CREBRF: variants seen among roughly 807,000 people sequenced by gnomAD.
CREBRF encodes the protein UPF0474 protein C5orf41.
In CREBRF, 5 loss-of-function variants were observed where a neutral mutation model predicts 66.1. The observed-to-expected ratio is 0.08, with a 90% CI of 0.04 to 0.16. The LOEUF (loss-of-function observed/expected upper bound fraction) is 0.16, where lower values mean the gene tolerates loss of function less well. Ranked by LOEUF, CREBRF falls within the 10% of genes least tolerant of loss-of-function variation. The pLI is 1.00. For synonymous variants in CREBRF, 229 were observed against 264.4 expected (o/e 0.87, Z 1.30); for missense variants, 531 against 744.9 (o/e 0.71, Z 3.34).
At chr5:173,104,675 G>A (rs764000950) in intron 4 of CREBRF, among the ~76,000 whole-genome samples, 3 of 151,842 alleles carry the variant, frequency 2.0e-5, no homozygotes, top group Admixed American at 6.6e-5. Flanking sequence ...GCAAGTCACA[G>A]TCCCAAGAAA....
chr5:173,079,206 A>G (rs1034929248), intron 1 of CREBRF, among the ~76,000 whole-genome samples: 9 of 152,120 alleles, frequency 5.9e-5, no homozygotes, highest in Non-Finnish European at 1.3e-4. Context: ...CCTAGGTTAG[A>G]CCAGTGAGCT....
intron 8 of CREBRF, among the ~76,000 whole-genome samples, chr5:173,125,069 C>T (rs547721269): frequency 6.6e-6 from 1 of 152,074 alleles, no homozygotes; most frequent in South Asian, 2.1e-4. Context: ...CAGGCACCCA[C>T]CACCACACCT....
intron 8 of CREBRF, among the ~76,000 whole-genome samples, chr5:173,132,365 G>A (rs1759450620): frequency 6.8e-6 from 1 of 146,772 alleles, no homozygotes; most frequent in Non-Finnish European, 1.5e-5. Flanking sequence ...GGTATTACAG[G>A]CGTGAGCCAC....
chr5:173,103,186 C>T (rs1409012705), intron 4 of CREBRF, among the ~76,000 whole-genome samples: 1 of 152,164 alleles, frequency 6.6e-6, no homozygotes, highest in Non-Finnish European at 1.5e-5. Flanking sequence ...AAGTTCTCTT[C>T]TTGGACCTAT....
rs1371241758 is a variant in CREBRF, at chr5:173,139,271, AG to A, written c.*5527del. On this transcript the variant is annotated 3_prime_UTR_variant, in exon 9 of 9. Transcript: ENST00000296953. ...ATCCTTTGTAATTTAAAATAAAAAA[AG>A]ATGAAAAGAAAACGTTCTGAATTGT... 1 of 152,238 alleles carries A rather than the reference AG, an allele frequency of 6.6e-6. No individual in the cohort carries two copies. The highest frequency in any genetic ancestry group is 1.9e-4 in the East Asian group (1 of 5,202). The allele number at this position is 152,238 out of a possible 1,614,324, so 9.4% of individuals were successfully genotyped here. A position where few individuals can be genotyped will look rare whatever the true frequency, so the allele number is the denominator to read the frequency against.
At position 173,134,667 on chromosome 5, in the gene CREBRF, T is replaced by C. The variant is rs1298764289; in HGVS notation, c.*922T>C. 1 of 152,334 alleles carries C rather than the reference T, an allele frequency of 6.6e-6. No individual in the cohort carries two copies. The highest frequency in any genetic ancestry group is 1.5e-5 in the Non-Finnish European group (1 of 68,160). The allele number at this position is 152,334 out of a possible 1,614,324, so 9.4% of individuals were successfully genotyped here. On this transcript the variant is annotated 3_prime_UTR_variant, in exon 9 of 9. Transcript: ENST00000296953. The stretch of plus-strand genomic sequence containing the variant: ...TTTTATTTTTTGTACCAAAGACAAA[T>C]GCAACTGATATGGCAAACTGCCAGT...
chr5:173,100,970 A>G (rs574310247), intron 4 of CREBRF, among the ~76,000 whole-genome samples: 22 of 152,224 alleles, frequency 1.4e-4, no homozygotes, highest in Non-Finnish European at 2.8e-4. Flanking sequence ...ACTGATGTGC[A>G]TCATCATGCC....
chr5:173,127,162 CTTTTTTT>C (rs70984944), intron 8 of CREBRF, among the ~76,000 whole-genome samples: 11 of 114,762 alleles, frequency 9.6e-5, no homozygotes, highest in African/African-American at 1.3e-4. Flanking sequence ...GTTTCTTTTT[CTTTTTTT>C]TTTTTTTTTT....
chr5:173,073,980 AAAATAAATAAAT>A (rs56812993), intron 1 of CREBRF, among the ~76,000 whole-genome samples: 3 of 149,948 alleles, frequency 2.0e-5, no homozygotes, highest in Non-Finnish European at 4.4e-5. Context: ...ATAAAAAATA[AAAATAAATAAAT>A]AAATAAATAA....
intron 7 of CREBRF, among the ~76,000 whole-genome samples, chr5:173,119,560 G>A (rs1004874979): frequency 6.6e-6 from 1 of 152,134 alleles, no homozygotes; most frequent in Non-Finnish European, 1.5e-5. Context: ...ATTTTCTGCT[G>A]ACACAGTCAT....
In CREBRF at chr5:173,135,949, A is replaced by C. The variant is rs1401288628; in HGVS notation, c.*2204A>C. On this transcript the variant is annotated 3_prime_UTR_variant, in exon 9 of 9. Transcript: ENST00000296953. ...AGCTCAAGTCTGATGGTTTAATAGAATGTAAGTTCATCGTTTAAAGCTTTT... is the reference window on the plus strand; with the variant it reads ...AGCTCAAGTCTGATGGTTTAATAGACTGTAAGTTCATCGTTTAAAGCTTTT... 1 of 152,472 alleles carries C rather than the reference A, an allele frequency of 6.6e-6. No individual in the cohort carries two copies. Among genetic ancestry groups the C allele is most frequent in the Non-Finnish European group, 1.5e-5 (1 of 67,944 alleles). 9.4% of individuals were successfully genotyped at this position (152,472 alleles called of 1,614,324 possible). A position where few individuals can be genotyped will look rare whatever the true frequency, so the allele number is the denominator to read the frequency against.
chr5:173,091,094 G>A lies in CREBRF; in HGVS notation c.915G>A (p.Gln305=). The change falls in exon 4 of 9, where the codon CAG becomes CAA. Residue 305 remains glutamine, a synonymous_variant. Transcript: ENST00000296953. ...AACTATTACTAAGTCCCCTGCCCCA[G>A]GAAGGTCCTGGGTCACTTGCAGCAG... The part of the protein sequence containing the change: ...TQELLLSPLP[Q]EGPGSLAAGE... 6.2e-7 allele frequency: 1 copy of A among 1,614,182 alleles called. No homozygotes were observed. Among genetic ancestry groups the A allele is most frequent in the South Asian group, 1.1e-5 (1 of 91,086 alleles).
chr5:173,086,161 T>G, intron 2 of CREBRF: 2 of 779,926 alleles, frequency 2.6e-6, no homozygotes, highest in Non-Finnish European at 4.7e-6. Context: ...AGGAGACATG[T>G]TTTGCCAACA....
rs1759180270 is a variant in CREBRF, at chr5:173,123,087, A to G, written c.1689A>G (p.Leu563=). Residue 563 remains leucine (L), a synonymous_variant, in exon 8 of 9, where the codon TTA becomes TTG. Transcript: ENST00000296953. ...TTTTGTTCTGTCTTACAGATAATTTATTGTTTGTAATCAACTCCATCAAGC... is the reference window on the plus strand; with the variant it reads ...TTTTGTTCTGTCTTACAGATAATTTGTTGTTTGTAATCAACTCCATCAAGC... ...LWGLNTEYDN[L]LFVINSIKQE... The G allele has an allele frequency of 6.3e-7, 1 of 1,592,910 alleles. No homozygotes were observed. Among genetic ancestry groups the G allele is most frequent in the South Asian group, 1.1e-5 (1 of 87,064 alleles).
chr5:173,107,826 T>A (rs1374697232), intron 4 of CREBRF, among the ~76,000 whole-genome samples: 2 of 105,020 alleles, frequency 1.9e-5, no homozygotes, highest in African/African-American at 5.7e-5. Flanking sequence ...AATTTTTTTT[T>A]TTTTTTTTTT....
chr5:173,131,189 A>G lies in CREBRF; in HGVS notation c.1805-2441A>G, dbSNP rs556138858. ...TTGCTTTATTTCTACCTCTATCTAC[A>G]TGTGTATTTTGGACAGGGAATATTT... On this transcript the variant is annotated intron_variant, in intron 8 of 8. Coordinates refer to ENST00000296953, the MANE Select transcript of CREBRF (RefSeq NM_153607.3). Among the ~76,000 whole-genome samples, 39 of 152,316 alleles carry G rather than the reference A, an allele frequency of 2.6e-4. No homozygotes were observed. In the South Asian group the frequency reaches 7.9e-3, roughly 31 times the overall value.
chr5:173,114,683 C>T (rs906040887), intron 7 of CREBRF, among the ~76,000 whole-genome samples: 2 of 152,226 alleles, frequency 1.3e-5, no homozygotes, highest in African/African-American at 4.8e-5. Context: ...CTATACTACT[C>T]ATCTCATCCT....
At chr5:173,122,965 A>G (rs1759176452) in intron 7 of CREBRF, 115 bp from the exon 8 acceptor site, 1 of 927,290 alleles carries the variant, frequency 1.1e-6, no homozygotes, top group Non-Finnish European at 1.6e-6. Context: ...TCCATGGTGT[A>G]TATGTGCCAC....
intron 8 of CREBRF, 34 bp downstream of exon 8, chr5:173,123,236 A>G: frequency 3.8e-6 from 6 of 1,576,522 alleles, no homozygotes; most frequent in Non-Finnish European, 5.1e-6. Flanking sequence ...CATAACAATT[A>G]ATAATATGTG....
Sources: gnomAD v4.1 joint callset for allele counts (sites outside exome capture counted in the v4.1 genomes callset) on GRCh38, gnomAD v4.1.1 for gene constraint, MANE v1.5 for transcripts, NCBI Gene and HGNC (gene_info 2026-07-23, HGNC 2026-07-21) for gene names.